OR52A5: variants seen among roughly 807,000 people sequenced by gnomAD.
The protein encoded by OR52A5 is olfactory receptor family 52 subfamily A member 5, also known as olfactory receptor 52A5.
Under a neutral mutation model 18.2 loss-of-function variants are expected in OR52A5, and 16 were observed. The observed-to-expected ratio is 0.88, with a 90% CI of 0.60 to 1.34. The LOEUF (loss-of-function observed/expected upper bound fraction) is 1.34. OR52A5 is among the 40% of genes most tolerant of loss of function. The probability of loss-of-function intolerance (pLI) is 0.00; values close to 1 mark genes in which losing one functional copy is unlikely to be tolerated. For missense variants in OR52A5, 418 were observed against 383.0 expected (o/e 1.09, Z -0.76); for synonymous variants, 140 against 137.2 (o/e 1.02, Z -0.14).
chr11:5,137,593 C>T (rs1471367081), intron 1 of OR52A5, among the ~76,000 whole-genome samples: 2 of 151,750 alleles, frequency 1.3e-5, no homozygotes, highest in East Asian at 1.9e-4. Context: ...TTATATAGAG[C>T]TCCAAACTGC....
chr11:5,131,180 C>T lies in OR52A5; in HGVS notation c.*512G>A, dbSNP rs191328233. ...TAAGATAGTTTCTGTACTCAAGATG[C>T]TTTCAGTGGGTAACAGAATTTGTAT... On this transcript the variant is annotated 3_prime_UTR_variant, in exon 2 of 2. Transcript: ENST00000307388. 1 of 152,932 alleles carries T rather than the reference C, an allele frequency of 6.5e-6. No homozygotes were observed. The highest frequency in any genetic ancestry group is 2.4e-5 in the African/African-American group (1 of 41,440). 9.5% of individuals were successfully genotyped at this position (152,932 alleles called of 1,614,324 possible).
At chr11:5,137,053 G>T (rs117238315) in intron 1 of OR52A5, among the ~76,000 whole-genome samples, 1 of 152,308 alleles carries the variant, frequency 6.6e-6, no homozygotes, top group Non-Finnish European at 1.5e-5. Flanking sequence ...TGTGACAATA[G>T]TGAAGGATTA....
chr11:5,132,737 A>T, intron 1 of OR52A5, 35 bp from the exon 2 acceptor site: 1 of 745,748 alleles, frequency 1.3e-6, no homozygotes, highest in Non-Finnish European at 2.1e-6. Context: ...ATGTTAATTT[A>T]TTTTAGGAAA....
At chr11:5,137,854 A>T (rs1846406384) in intron 1 of OR52A5, among the ~76,000 whole-genome samples, 1 of 152,230 alleles carries the variant, frequency 6.6e-6, no homozygotes, top group African/African-American at 2.4e-5. Context: ...ATCCATTTCA[A>T]ATATTGAGAA....
chr11:5,134,773 G>A (rs1846375677), intron 1 of OR52A5, among the ~76,000 whole-genome samples: 2 of 151,822 alleles, frequency 1.3e-5, no homozygotes, highest in Admixed American at 6.6e-5. Context: ...ATTAATGAAA[G>A]TCTAGAACTT....
At chr11:5,137,516 C>CT (rs1393539953) in intron 1 of OR52A5, among the ~76,000 whole-genome samples, 4,208 of 145,048 alleles carry the variant, frequency 0.029, 84 homozygotes, top group Non-Finnish European at 0.042. Flanking sequence ...CCCTCTCTCT[C>CT]TTTTTTTTTT....
At chr11:5,134,562 A>C (rs993212179) in intron 1 of OR52A5, among the ~76,000 whole-genome samples, 3 of 152,196 alleles carry the variant, frequency 2.0e-5, no homozygotes, top group Non-Finnish European at 4.4e-5. Context: ...AAACAAAGAT[A>C]AATTTATTTA....
rs1846315130 is a variant in OR52A5, at chr11:5,129,530, C to T, written c.*2162G>A. ...TCATTGCATCATAGTCAGGGCATAT[C>T]AGTCTGACTCATATCTCAGCCCTCT... On this transcript the variant is annotated 3_prime_UTR_variant, in exon 2 of 2. Coordinates refer to ENST00000307388, the MANE Select transcript of OR52A5 (RefSeq NM_001005160.3). 1 of 152,052 alleles carries T rather than the reference C, an allele frequency of 6.6e-6. No individual in the cohort carries two copies. The highest frequency in any genetic ancestry group is 2.4e-5 in the African/African-American group (1 of 41,396). The allele number at this position is 152,052 out of a possible 1,614,324, so 9.4% of individuals were successfully genotyped here. A position where few individuals can be genotyped will look rare whatever the true frequency, so the allele number is the denominator to read the frequency against.
rs1000938976 is a variant in OR52A5, at chr11:5,131,093, A to G, written c.*599T>C. The stretch of plus-strand genomic sequence containing the variant: ...TTTACTCTGTTCATTATTCAATGTC[A>G]TTTTTACTTAGATTCTAAGAATTCT... On this transcript the variant is annotated 3_prime_UTR_variant, in exon 2 of 2. Coordinates refer to ENST00000307388, the MANE Select transcript of OR52A5 (RefSeq NM_001005160.3). 1.3e-5 allele frequency: 2 copies of G among 152,332 alleles called. No individual in the cohort carries two copies. Among genetic ancestry groups the G allele is most frequent in the South Asian group, 4.1e-4 (2 of 4,824 alleles). The allele number at this position is 152,332 out of a possible 1,614,324, so 9.4% of individuals were successfully genotyped here. A position where few individuals can be genotyped will look rare whatever the true frequency, so the allele number is the denominator to read the frequency against.
Position 5,131,884 on chromosome 11 carries a change from C to G in OR52A5, c.759G>C (p.Gln253His). 6.2e-7 allele frequency: 1 copy of G among 1,614,158 alleles called. No homozygotes were observed. The highest frequency in any genetic ancestry group is 8.5e-7 in the Non-Finnish European group (1 of 1,180,040). ...TCIAHICVFLQFYLLAFFSFF... is the reference protein window; with the variant it reads ...TCIAHICVFLHFYLLAFFSFF... ...AAGAGAAGAAGGCAAGAAGGTAGAA[C>G]TGTAGGAAGACACAAATGTGGGCAA... Residue 253 changes from glutamine to histidine, a missense_variant, in exon 2 of 2, where the codon CAG becomes CAC. Gln to His is a conservative substitution (Grantham distance 24). Transcript: ENST00000307388.
intron 1 of OR52A5, among the ~76,000 whole-genome samples, chr11:5,134,995 C>T (rs1452261065): frequency 6.6e-6 from 1 of 152,014 alleles, no homozygotes; most frequent in Non-Finnish European, 1.5e-5. Context: ...TCAGCCTCCC[C>T]TCCTGAGTAG....
In OR52A5 at chr11:5,132,253, G is replaced by A. The variant is rs1476381177; in HGVS notation, c.390C>T (p.Ile130=). 1 of 1,614,132 alleles carries A rather than the reference G, an allele frequency of 6.2e-7. No homozygotes were observed. The highest frequency in any genetic ancestry group is 1.7e-5 in the Admixed American group (1 of 60,018). The part of the protein sequence containing the change: ...MALDRYVAIC[I]PLRHATIFSQ... ...AAAAGATGGTGGCATGTCTCAAGGGGATACAGATGGCCACATAGCGATCCA... is the reference window on the plus strand; with the variant it reads ...AAAAGATGGTGGCATGTCTCAAGGGAATACAGATGGCCACATAGCGATCCA... Residue 130 remains isoleucine (I), a synonymous_variant, in exon 2 of 2, where the codon ATC becomes ATT. Coordinates refer to ENST00000307388, the MANE Select transcript of OR52A5 (RefSeq NM_001005160.3).
rs1846353547 is a variant in OR52A5, at chr11:5,132,681, C to A, written c.-39G>T. On this transcript the variant is annotated 5_prime_UTR_variant, in exon 2 of 2. The change abolishes an upstream ATG in the 5' untranslated region. Coordinates refer to ENST00000307388, the MANE Select transcript of OR52A5 (RefSeq NM_001005160.3). ...GAATCAAGTGGTAGATTTGCTGTTT[C>A]ATCTTCTATTCTCTGTTGAGCCTTG... is the stretch of plus-strand genomic sequence containing the variant. 2.3e-6 allele frequency: 3 copies of A among 1,316,364 alleles called. No homozygotes were observed. The highest frequency in any genetic ancestry group is 3.2e-6 in the Non-Finnish European group (3 of 944,714). The allele number at this position is 1,316,364 out of a possible 1,614,324, so 81.5% of individuals were successfully genotyped here.
chr11:5,133,260 T>C (rs1846359939), intron 1 of OR52A5, among the ~76,000 whole-genome samples: 3 of 149,086 alleles, frequency 2.0e-5, no homozygotes, highest in Admixed American at 1.4e-4. Flanking sequence ...CCCAGCTACT[T>C]GGGAGGCTGA....
At position 5,132,122 on chromosome 11, in the gene OR52A5, G is replaced by C; in HGVS notation, c.521C>G (p.Thr174Ser). Residue 174 changes from threonine (T) to serine (S), a missense_variant, in exon 2 of 2, where the codon ACT (threonine) becomes AGT (serine). Physicochemically the swap from Thr to Ser is moderately conservative, Grantham distance 58. Coordinates refer to ENST00000307388, the MANE Select transcript of OR52A5 (RefSeq NM_001005160.3). ...LIKCCLKHYR[T>S]TVISHSYCEH... is the part of the protein sequence containing the mutation. Reference sequence around the variant, plus strand: ...ACAGTAAGAGTGAGAGATGACTGTAGTTCGATAGTGTTTCAGACAGCATTT... The same window carrying C: ...ACAGTAAGAGTGAGAGATGACTGTACTTCGATAGTGTTTCAGACAGCATTT... 6.2e-7 allele frequency: 1 copy of C among 1,614,176 alleles called. No homozygotes were observed. Among genetic ancestry groups the C allele is most frequent in the Middle Eastern group, 1.6e-4 (1 of 6,062 alleles).
rs368832145 is a variant in OR52A5, at chr11:5,130,839, T to A, written c.*853A>T. 3.9e-5 allele frequency: 6 copies of A among 152,278 alleles called. No homozygotes were observed. In the South Asian group the frequency reaches 1.2e-3, roughly 32 times the overall value. 9.4% of individuals were successfully genotyped at this position (152,278 alleles called of 1,614,324 possible). A position where few individuals can be genotyped will look rare whatever the true frequency, so the allele number is the denominator to read the frequency against. On this transcript the variant is annotated 3_prime_UTR_variant, in exon 2 of 2. Coordinates refer to ENST00000307388, the MANE Select transcript of OR52A5 (RefSeq NM_001005160.3). ...AAAAAAATTTGTTTGGTTCTAAGTC[T>A]TGACTAAAGTCCTTATTCAGGAGGT...
chr11:5,132,923 G>C (rs1329469130), intron 1 of OR52A5, among the ~76,000 whole-genome samples: 1 of 151,748 alleles, frequency 6.6e-6, no homozygotes, highest in Admixed American at 6.6e-5. Context: ...CTTTTTTCTG[G>C]TTCATGACTA....
chr11:5,132,200 A>C lies in OR52A5; in HGVS notation c.443T>G (p.Leu148Arg). Reference protein sequence around the residue: ...FSQQFLTHIGLGVTLRAAILI... With the variant: ...FSQQFLTHIGRGVTLRAAILI... ...AATGGCAGCCCTGAGTGTCACCCCA[A>C]GTCCAATATGAGTTAAGAACTGCTG... Residue 148 changes from leucine (L) to arginine (R), a missense_variant, in exon 2 of 2, where the codon CTT (leucine) becomes CGT (arginine). Transcript: ENST00000307388. 6.2e-6 allele frequency: 10 copies of C among 1,614,174 alleles called. No individual in the cohort carries two copies. Among genetic ancestry groups the C allele is most frequent in the Non-Finnish European group, 7.6e-6 (9 of 1,180,038 alleles).
intron 1 of OR52A5, 22 bp from the exon 2 acceptor site, chr11:5,132,724 A>C: frequency 3.6e-6 from 3 of 838,430 alleles, no homozygotes; most frequent in Non-Finnish European, 5.5e-6. Flanking sequence ...AAAAATTAAA[A>C]ATATGTTAAT....
Sources: allele counts gnomAD v4.1 joint callset (sites outside exome capture counted in the v4.1 genomes callset), GRCh38; gene constraint gnomAD v4.1.1; transcripts MANE v1.5; gene names NCBI Gene and HGNC (gene_info 2026-07-23, HGNC 2026-07-21).